PLPBP: variants seen among roughly 807,000 people sequenced by gnomAD.
The protein encoded by PLPBP is pyridoxal phosphate binding protein.
Under a neutral mutation model 31.2 loss-of-function variants are expected in PLPBP, and 21 were observed. The ratio of observed to expected loss-of-function variants is 0.67; its 90% CI spans 0.48 to 0.97. The LOEUF is 0.97. Ranked by LOEUF, PLPBP falls within the 50% of genes least tolerant of loss-of-function variation. The pLI, the probability that PLPBP is intolerant of heterozygous loss-of-function variation, is 0.00. For synonymous variants in PLPBP, 124 were observed against 135.6 expected (o/e 0.91, Z 0.59); for missense variants, 308 against 354.4 (o/e 0.87, Z 1.05).
chr8:37,767,720 C>T (rs1329742000), intron 4 of PLPBP, among the ~76,000 whole-genome samples: 8 of 150,330 alleles, frequency 5.3e-5, no homozygotes, highest in Non-Finnish European at 8.9e-5. Context: ...ATGGCTGAAT[C>T]ACAAGTTAAG....
chr8:37,775,569 G>C (rs1803880778), intron 6 of PLPBP, 88 bp downstream of exon 6: 2 of 1,564,532 alleles, frequency 1.3e-6, no homozygotes, highest in Non-Finnish European at 8.7e-7. Context: ...GGGGATTGCA[G>C]AGTCATCCCA....
chr8:37,763,958 C>CATAG (rs1415899738), intron 1 of PLPBP, among the ~76,000 whole-genome samples: 2 of 151,972 alleles, frequency 1.3e-5, no homozygotes, highest in Non-Finnish European at 1.5e-5. Flanking sequence ...CAGCAGAACG[C>CATAG]ATAGAACCCC....
chr8:37,775,490 G>A lies in PLPBP; in HGVS notation c.597+9G>A. 6.2e-7 allele frequency: 1 copy of A among 1,613,522 alleles called. No homozygotes were observed. The highest frequency in any genetic ancestry group is 8.5e-7 in the Non-Finnish European group (1 of 1,179,980). On this transcript the variant is annotated intron_variant, in intron 6 of 7. Transcript: ENST00000328195. ...CAAATCCAGACTTCCAGGTACTGGGGGGTCGGGGAGATTGCTCGTGTGCTA... is the reference window on the plus strand; with the variant it reads ...CAAATCCAGACTTCCAGGTACTGGGAGGTCGGGGAGATTGCTCGTGTGCTA...
chr8:37,767,302 C>T (rs182462874), intron 4 of PLPBP, among the ~76,000 whole-genome samples: 1 of 152,220 alleles, frequency 6.6e-6, no homozygotes, highest in African/African-American at 2.4e-5. Context: ...TATCTATCAC[C>T]CCTAAAAGTT....
At chr8:37,763,923 T>TA (rs1803549311) in intron 1 of PLPBP, among the ~76,000 whole-genome samples, 1 of 152,218 alleles carries the variant, frequency 6.6e-6, no homozygotes, top group African/African-American at 2.4e-5. Context: ...TCTCTTCTCT[T>TA]ACTGTTTCTA....
At position 37,767,034 on chromosome 8, in the gene PLPBP, A is replaced by G. The variant is rs576924265; in HGVS notation, c.319+679A>G. On this transcript the variant is annotated intron_variant, in intron 4 of 7. Transcript: ENST00000328195. ...TGCACTCCAGACTAGGTAACAGAGC[A>G]AGACTTCATCCCAAAAAAAAAAAAA... Among the ~76,000 whole-genome samples the G allele has an allele frequency of 5.7e-4, 83 of 146,206 alleles. 1 individual carries two copies. In the South Asian group the frequency reaches 0.012, roughly 21 times the overall value.
intron 4 of PLPBP, 93 bp from the exon 5 acceptor site, chr8:37,772,662 T>G: frequency 6.9e-7 from 1 of 1,454,436 alleles, no homozygotes; most frequent in Non-Finnish European, 9.5e-7. Flanking sequence ...TTTCCTGGCA[T>G]ATTTTTTCCT....
chr8:37,769,211 C>T (rs762243955), intron 4 of PLPBP, among the ~76,000 whole-genome samples: 1 of 151,970 alleles, frequency 6.6e-6, no homozygotes, highest in Non-Finnish European at 1.5e-5. Context: ...TGGTGTGTGT[C>T]TGTGGTCCCA....
In PLPBP at chr8:37,775,460, A is replaced by G. The variant is rs746769765; in HGVS notation, c.576A>G (p.Gln192=). ...GAAGCTTTGGGCATGATCTTAGTCA[A>G]GGACCAAATCCAGACTTCCAGGTAC... The part of the protein sequence containing the change: ...TIGSFGHDLS[Q]GPNPDFQLLL... Residue 192 remains glutamine, a synonymous_variant, in exon 6 of 8, where the codon CAA becomes CAG. Coordinates refer to ENST00000328195, the MANE Select transcript of PLPBP (RefSeq NM_007198.4). 1 of 1,613,982 alleles carries G rather than the reference A, an allele frequency of 6.2e-7. No homozygotes were observed.
chr8:37,778,234 A>AC lies in PLPBP; in HGVS notation c.*132dup. On this transcript the variant is annotated 3_prime_UTR_variant, in exon 8 of 8. Transcript: ENST00000328195. ...CTAATGATCACGTGTGTTGATGGAA[A>AC]CCATCTGTGCTTAGTCTCTGACATA... 1 of 1,177,946 alleles carries AC rather than the reference A, an allele frequency of 8.5e-7. No homozygotes were observed. The highest frequency in any genetic ancestry group is 1.2e-6 in the Non-Finnish European group (1 of 857,028). 73.0% of individuals were successfully genotyped at this position (1,177,946 alleles called of 1,614,324 possible).
intron 5 of PLPBP, among the ~76,000 whole-genome samples, chr8:37,773,873 TA>T (rs921741117): frequency 2.0e-5 from 3 of 152,112 alleles, no homozygotes; most frequent in African/African-American, 7.2e-5. Context: ...TCTTAGATCT[TA>T]AAAAAATTAC....
chr8:37,767,899 G>A (rs541482873), intron 4 of PLPBP, among the ~76,000 whole-genome samples: 7 of 141,318 alleles, frequency 5.0e-5, no homozygotes, highest in Admixed American at 1.5e-4. Context: ...TCCACCGCCC[G>A]AGTTCAAGCG....
chr8:37,770,328 A>C (rs926004262), intron 4 of PLPBP, among the ~76,000 whole-genome samples: 9 of 152,254 alleles, frequency 5.9e-5, no homozygotes, highest in Non-Finnish European at 1.3e-4. Flanking sequence ...AAATTTGTAC[A>C]TCTACAGAGA....
chr8:37,762,849 G>T (rs1346177135), intron 1 of PLPBP, 91 bp downstream of exon 1: 1 of 1,467,532 alleles, frequency 6.8e-7, no homozygotes. Context: ...GACGCAGAGG[G>T]GTCTCCCAGA....
At chr8:37,769,049 A>G (rs899591580) in intron 4 of PLPBP, among the ~76,000 whole-genome samples, 2 of 152,134 alleles carry the variant, frequency 1.3e-5, no homozygotes, top group African/African-American at 4.8e-5. Context: ...AAAAAAAACA[A>G]CTAGGCCAGG....
In PLPBP at chr8:37,778,342, A is replaced by G; in HGVS notation, c.*238A>G. 1 of 331,024 alleles carries G rather than the reference A, an allele frequency of 3.0e-6. No homozygotes were observed. The highest frequency in any genetic ancestry group is 4.2e-5 in the South Asian group (1 of 23,958). The allele number at this position is 331,024 out of a possible 1,614,324, so 20.5% of individuals were successfully genotyped here. ...CAGAACAGATACCAAATCAATAGCTAGGAATCATGTTCAATATTGAATTCT... is the reference window on the plus strand; with the variant it reads ...CAGAACAGATACCAAATCAATAGCTGGGAATCATGTTCAATATTGAATTCT... On this transcript the variant is annotated 3_prime_UTR_variant, in exon 8 of 8. Coordinates refer to ENST00000328195, the MANE Select transcript of PLPBP (RefSeq NM_007198.4).
At chr8:37,768,308 G>A (rs1357826493) in intron 4 of PLPBP, among the ~76,000 whole-genome samples, 1 of 152,122 alleles carries the variant, frequency 6.6e-6, no homozygotes, top group Non-Finnish European at 1.5e-5. Flanking sequence ...TAAACTGTGT[G>A]AAGTAGTGTA....
chr8:37,768,461 T>TTTTG, intron 4 of PLPBP, among the ~76,000 whole-genome samples: 1 of 149,188 alleles, frequency 6.7e-6, no homozygotes, highest in African/African-American at 2.5e-5. Flanking sequence ...ACAGTTTTGA[T>TTTTG]TTTCTTTTTT....
chr8:37,765,881 T>C, intron 3 of PLPBP, 135 bp downstream of exon 3: 1 of 923,410 alleles, frequency 1.1e-6, no homozygotes, highest in Non-Finnish European at 1.7e-6. Context: ...GATAGAAATG[T>C]CAGCTTCCTC....
Sources: allele counts gnomAD v4.1 joint callset (sites outside exome capture counted in the v4.1 genomes callset), GRCh38; gene constraint gnomAD v4.1.1; transcripts MANE v1.5; gene names NCBI Gene and HGNC (gene_info 2026-07-23, HGNC 2026-07-21).